Variants in EML6 observed in about 807,000 individuals in gnomAD.
EML6 encodes EMAP like 6, also known as echinoderm microtubule-associated protein-like 6.
In EML6, 154 loss-of-function variants were observed where a neutral mutation model predicts 240.1. The ratio of observed to expected loss-of-function variants is 0.64; its 90% CI spans 0.56 to 0.73. The LOEUF is 0.73. Among genes scored for constraint, EML6 ranks in the 30% least tolerant of loss-of-function variants. EML6 has a pLI of 0.00. For synonymous variants in EML6, 1,148 were observed against 899.0 expected (o/e 1.28, Z -4.95); for missense variants, 2,964 against 2,474.6 (o/e 1.20, Z -4.20).
intron 31 of EML6, 60 bp from the exon 32 acceptor site, chr2:54,953,923 C>T (rs1676107406): frequency 2.4e-6 from 3 of 1,262,362 alleles, no homozygotes; most frequent in Non-Finnish European, 3.3e-6. Flanking sequence ...TGAACATAAG[C>T]ATCGCCTTGG....
intron 7 of EML6, 83 bp from the exon 8 acceptor site, chr2:54,843,964 T>TTG (rs70944190): frequency 0.027 from 17,876 of 656,314 alleles, 300 homozygotes; most frequent in African/African-American, 0.11. Flanking sequence ...CTTTAGGGTT[T>TTG]TGTGTGTGTG....
intron 25 of EML6, among the ~76,000 whole-genome samples, chr2:54,914,975 G>A (rs1673833104): frequency 6.6e-6 from 1 of 152,142 alleles, no homozygotes; most frequent in African/African-American, 2.4e-5. Flanking sequence ...AGCATGCTGT[G>A]ACTGCAGTGA....
At chr2:54,919,076 AT>A (rs1674081623) in intron 26 of EML6, among the ~76,000 whole-genome samples, 1 of 152,102 alleles carries the variant, frequency 6.6e-6, no homozygotes, top group Admixed American at 6.5e-5. Context: ...TTACTGTATT[AT>A]TTCTGTGGTC....
chr2:54,813,191 C>A (rs1176194648), intron 2 of EML6, 41 bp from the exon 3 acceptor site: 5 of 1,438,388 alleles, frequency 3.5e-6, no homozygotes, highest in African/African-American at 2.9e-5. Flanking sequence ...TCAGTGTTTT[C>A]TTCAGTTGGA....
intron 2 of EML6, among the ~76,000 whole-genome samples, chr2:54,781,636 C>T (rs1668862072): frequency 6.6e-6 from 1 of 152,098 alleles, no homozygotes; most frequent in South Asian, 2.1e-4. Context: ...GAAATACTAG[C>T]ATGAATTTAC....
Position 54,816,852 on chromosome 2 carries a change from A to G in EML6, c.423A>G (p.Lys141=), listed in dbSNP as rs1451385764. Residue 141 remains lysine (K), a synonymous_variant, in exon 4 of 42, where the codon AAA becomes AAG. Transcript: ENST00000356458. ...GCATTTGGGACTGGAGGAAGGGAAA[A>G]CTTCTGGCGTCAGCCACCGGCCATT... The part of the protein sequence containing the change: ...TVCIWDWRKG[K]LLASATGHSD... 1.3e-6 allele frequency: 2 copies of G among 1,551,386 alleles called. No homozygotes were observed. The highest frequency in any genetic ancestry group is 2.7e-5 in the African/African-American group (2 of 73,026).
At chr2:54,826,954 C>G (rs1275379786) in intron 5 of EML6, among the ~76,000 whole-genome samples, 1 of 152,182 alleles carries the variant, frequency 6.6e-6, no homozygotes, top group African/African-American at 2.4e-5. Flanking sequence ...GGGCAGATTA[C>G]TTGAGGCCAG....
chr2:54,847,468 C>T lies in EML6; in HGVS notation c.1050-18C>T. On this transcript the variant is annotated intron_variant, in intron 8 of 41. Coordinates refer to ENST00000356458, the MANE Select transcript of EML6 (RefSeq NM_001039753.4). ...GGAAGTTGGTTTTGTTTTGTTTTGA[C>T]TTCGTTCTTGTGCCTAGGCTGTGGA... is the stretch of plus-strand genomic sequence containing the variant. The T allele has an allele frequency of 1.3e-6, 2 of 1,548,778 alleles. No individual in the cohort carries two copies. The highest frequency in any genetic ancestry group is 1.2e-5 in the South Asian group (1 of 83,998).
chr2:54,930,529 T>A (rs1042698767), intron 28 of EML6, among the ~76,000 whole-genome samples: 6 of 152,104 alleles, frequency 3.9e-5, no homozygotes, highest in African/African-American at 1.4e-4. Context: ...TTTTTTTTTT[T>A]ATCAAAAGGA....
chr2:54,859,502 A>C (rs1238865492), intron 11 of EML6, 32 bp from the exon 12 acceptor site: 25 of 1,526,950 alleles, frequency 1.6e-5, no homozygotes, highest in Non-Finnish European at 2.2e-5. Context: ...TTCTTTTTTC[A>C]TAACTAATCC....
intron 12 of EML6, among the ~76,000 whole-genome samples, chr2:54,860,964 C>CT (rs1670640942): frequency 6.6e-6 from 1 of 152,144 alleles, no homozygotes; most frequent in Non-Finnish European, 1.5e-5. Context: ...GAGATGTGGT[C>CT]TTAAATGGGT....
At chr2:54,939,557 C>T (rs561709318) in intron 28 of EML6, among the ~76,000 whole-genome samples, 4 of 152,238 alleles carry the variant, frequency 2.6e-5, no homozygotes, top group South Asian at 4.1e-4. Context: ...TTTGGCTGAT[C>T]GCAGCTGTCA....
intron 8 of EML6, among the ~76,000 whole-genome samples, chr2:54,845,426 G>C (rs1363310706): frequency 6.6e-6 from 1 of 152,196 alleles, no homozygotes; most frequent in East Asian, 1.9e-4. Context: ...CAATTGTTAA[G>C]TCTCAGAATT....
At chr2:54,956,508 T>C (rs1407383937) in intron 32 of EML6, among the ~76,000 whole-genome samples, 1 of 152,218 alleles carries the variant, frequency 6.6e-6, no homozygotes, top group African/African-American at 2.4e-5. Context: ...TGTTACTTTG[T>C]TTATGGTATC....
At chr2:54,917,976 G>T (rs1017647294) in intron 26 of EML6, among the ~76,000 whole-genome samples, 1 of 152,288 alleles carries the variant, frequency 6.6e-6, no homozygotes. Flanking sequence ...TTTTACACTT[G>T]TGTTAAATCA....
At chr2:54,916,737 A>T in intron 25 of EML6, 22 bp from the exon 26 acceptor site, 1 of 1,470,844 alleles carries the variant, frequency 6.8e-7, no homozygotes, top group East Asian at 2.5e-5. Flanking sequence ...CAAAAATATC[A>T]TTCTCTTTCG....
Position 54,953,477 on chromosome 2 carries a change from A to T in EML6, c.4313-506A>T, listed in dbSNP as rs199991167. ...CTGCAAGTGTGTGTGTGTTGAACAT[A>T]AATGTCCGTAGGGCTCTGCCTTTAA... is the stretch of plus-strand genomic sequence containing the variant. On this transcript the variant is annotated intron_variant, in intron 31 of 41. Coordinates refer to ENST00000356458, the MANE Select transcript of EML6 (RefSeq NM_001039753.4). 2.6e-4 allele frequency among the ~76,000 whole-genome samples: 39 copies of T among 152,350 alleles called. No homozygotes were observed. In the East Asian group the frequency reaches 2.7e-3, roughly 11 times the overall value.
chr2:54,937,642 T>G (rs1170486058), intron 28 of EML6, among the ~76,000 whole-genome samples: 1 of 152,004 alleles, frequency 6.6e-6, no homozygotes, highest in African/African-American at 2.4e-5. Flanking sequence ...TTAGTGTAGT[T>G]TACTTTATAA....
chr2:54,941,715 T>C (rs137857772), intron 28 of EML6, among the ~76,000 whole-genome samples: 202 of 152,332 alleles, frequency 1.3e-3, no homozygotes, highest in African/African-American at 4.7e-3. Context: ...TGCATGTGTG[T>C]TGTTTAAGCT....
Sources: allele counts gnomAD v4.1 joint callset (sites outside exome capture counted in the v4.1 genomes callset), GRCh38; gene constraint gnomAD v4.1.1; transcripts MANE v1.5; gene names NCBI Gene and HGNC (gene_info 2026-07-23, HGNC 2026-07-21).